MYO1E: variants seen among roughly 807,000 people sequenced by gnomAD.
The protein encoded by MYO1E is unconventional myosin-Ie.
A neutral mutation model predicts 151.1 loss-of-function variants in MYO1E; 68 were observed. The observed-to-expected ratio is 0.45, with a 90% CI of 0.37 to 0.55. MYO1E has a LOEUF of 0.55. MYO1E is among the 20% of genes least tolerant of loss of function. The probability of loss-of-function intolerance (pLI) is 0.00; values close to 1 mark genes in which losing one functional copy is unlikely to be tolerated. For synonymous variants in MYO1E, 601 were observed against 501.7 expected (o/e 1.20, Z -2.64); for missense variants, 1,363 against 1,389.3 (o/e 0.98, Z 0.30).
Position 59,214,282 on chromosome 15 carries a change from A to G in MYO1E, c.1221T>C (p.Phe407=). ...KNGFEQFCIN[F]VNEKLQQIFI... The stretch of plus-strand genomic sequence containing the variant: ...AAATCTGCTGCAGTTTTTCATTAAC[A>G]AAATTGATACAAAACTGTTCAAAGC... Residue 407 remains phenylalanine (F), a synonymous_variant, in exon 12 of 28, where the codon TTT becomes TTC. Transcript: ENST00000288235. The G allele has an allele frequency of 6.2e-7, 1 of 1,613,018 alleles. No homozygotes were observed.
intron 10 of MYO1E, among the ~76,000 whole-genome samples, chr15:59,215,099 C>T (rs1355953717): frequency 6.6e-6 from 1 of 152,128 alleles, no homozygotes; most frequent in East Asian, 1.9e-4. Context: ...ATTGTCATTT[C>T]CAGTGTCTTC....
Position 59,261,451 on chromosome 15 carries a change from C to A in MYO1E, c.206G>T (p.Gly69Val). 6.2e-7 allele frequency: 1 copy of A among 1,611,366 alleles called. No individual in the cohort carries two copies. The highest frequency in any genetic ancestry group is 1.1e-5 in the South Asian group (1 of 91,018). Reference protein sequence around the residue: ...VNPFKQMPYFGEKEIEMYQGA... With the variant: ...VNPFKQMPYFVEKEIEMYQGA... ...TTGGTACATTTCAATTTCCTTTTCC[C>A]CAAAATATGGCATCTGCTTGAAAGG... The change falls in exon 3 of 28, where the codon GGG becomes GTG. Residue 69 changes from glycine (G) to valine (V), a missense_variant. Coordinates refer to ENST00000288235, the MANE Select transcript of MYO1E (RefSeq NM_004998.4).
chr15:59,151,742 G>C (rs1292564034), intron 26 of MYO1E, among the ~76,000 whole-genome samples: 1 of 151,724 alleles, frequency 6.6e-6, no homozygotes, highest in East Asian at 1.9e-4. Context: ...GCGAAACCCT[G>C]TCTCTACTAA....
chr15:59,153,940 T>G lies in MYO1E; in HGVS notation c.2879-149A>C. The G allele has an allele frequency of 9.4e-6, 7 of 745,292 alleles. No homozygotes were observed. In the South Asian group the frequency reaches 1.1e-4, roughly 12 times the overall value. 46.2% of individuals were successfully genotyped at this position (745,292 alleles called of 1,614,324 possible). On this transcript the variant is annotated intron_variant, in intron 25 of 27. Transcript: ENST00000288235. ...ATTTGAAAAAAATGGAAGGCATCAC[T>G]GCTAACACATTGTGAGAATTAGAGC...
In MYO1E at chr15:59,202,400, T is replaced by C. The variant is rs554915757; in HGVS notation, c.1624A>G (p.Ile542Val). Residue 542 changes from isoleucine (I) to valine (V), a missense_variant, in exon 16 of 28, where the codon ATA (isoleucine) becomes GTA (valine). Transcript: ENST00000288235. ...AGATTTTCCGGAAATAAAGACTTTA[T>C]GAAAGGCCTGGAAAAGGAGAAAGAG... ...ELMQSSELPF[I>V]KSLFPENLQA... The C allele has an allele frequency of 2.8e-5, 45 of 1,613,926 alleles. No individual in the cohort carries two copies. In the African/African-American group the frequency reaches 4.9e-4, roughly 18 times the overall value.
At chr15:59,230,783 T>C (rs569961372) in intron 6 of MYO1E, among the ~76,000 whole-genome samples, 6 of 152,206 alleles carry the variant, frequency 3.9e-5, no homozygotes, top group Non-Finnish European at 8.8e-5. Context: ...AAATAGACAG[T>C]GGAAAAGAAA....
At chr15:59,145,839 A>G (rs879766286) in intron 26 of MYO1E, among the ~76,000 whole-genome samples, 12 of 152,194 alleles carry the variant, frequency 7.9e-5, no homozygotes. Context: ...TTGGCCATGA[A>G]GAGAGAATTT....
chr15:59,372,266 T>G (rs2080950854), intron 1 of MYO1E, among the ~76,000 whole-genome samples: 1 of 152,170 alleles, frequency 6.6e-6, no homozygotes, highest in East Asian at 1.9e-4. Flanking sequence ...CACAGAAAGT[T>G]TCGCGACGCA....
chr15:59,303,439 G>T (rs1267391646), intron 1 of MYO1E, among the ~76,000 whole-genome samples: 1 of 152,070 alleles, frequency 6.6e-6, no homozygotes, highest in African/African-American at 2.4e-5. Context: ...TGAGGCAGGA[G>T]AATTGCTTGA....
At chr15:59,334,722 C>G (rs1297907241) in intron 1 of MYO1E, among the ~76,000 whole-genome samples, 1 of 152,206 alleles carries the variant, frequency 6.6e-6, no homozygotes, top group African/African-American at 2.4e-5. Context: ...TTGGCAAGGG[C>G]TTTCTTTCGC....
intron 18 of MYO1E, among the ~76,000 whole-genome samples, chr15:59,182,401 C>T (rs567204331): frequency 1.4e-4 from 22 of 152,102 alleles, no homozygotes; most frequent in Non-Finnish European, 2.6e-4. Context: ...TTAGTAGAGG[C>T]GGGGTTTCAC....
intron 1 of MYO1E, among the ~76,000 whole-genome samples, chr15:59,288,656 T>C (rs1336706425): frequency 6.6e-6 from 1 of 152,240 alleles, no homozygotes; most frequent in Non-Finnish European, 1.5e-5. Context: ...GACTGGGTAC[T>C]GTCATCTCAT....
intron 1 of MYO1E, among the ~76,000 whole-genome samples, chr15:59,272,724 A>G (rs2080295521): frequency 6.6e-6 from 1 of 152,184 alleles, no homozygotes; most frequent in South Asian, 2.1e-4. Context: ...AGACAGACCC[A>G]TTTCACAACG....
chr15:59,276,198 G>C (rs1465723283), intron 1 of MYO1E, among the ~76,000 whole-genome samples: 2 of 152,200 alleles, frequency 1.3e-5, no homozygotes, highest in African/African-American at 4.8e-5. Flanking sequence ...AGGGGCAGCA[G>C]AGATGGTTCC....
chr15:59,203,328 G>A (rs2079813321), intron 15 of MYO1E, among the ~76,000 whole-genome samples: 1 of 151,186 alleles, frequency 6.6e-6, no homozygotes, highest in Non-Finnish European at 1.5e-5. Context: ...TTGAGTATGA[G>A]CAATTTTAAG....
chr15:59,138,149 A>T (rs1259348388), intron 27 of MYO1E, 49 bp downstream of exon 27: 5 of 1,594,314 alleles, frequency 3.1e-6, no homozygotes, highest in Non-Finnish European at 1.7e-6. Context: ...CAGCAATGTG[A>T]CTGCATGCTC....
intron 4 of MYO1E, among the ~76,000 whole-genome samples, chr15:59,249,998 G>A (rs1484135884): frequency 2.0e-5 from 3 of 151,980 alleles, no homozygotes; most frequent in African/African-American, 7.2e-5. Flanking sequence ...ACAGGTGTGA[G>A]GCGTGCTGCC....
chr15:59,239,354 T>C (rs1325327535), intron 4 of MYO1E, among the ~76,000 whole-genome samples: 1 of 151,688 alleles, frequency 6.6e-6, no homozygotes, highest in Non-Finnish European at 1.5e-5. Flanking sequence ...TTCAACTTCC[T>C]ACATATCACC....
intron 4 of MYO1E, among the ~76,000 whole-genome samples, chr15:59,245,131 G>A (rs1219027083): frequency 6.6e-6 from 1 of 152,152 alleles, no homozygotes; most frequent in Non-Finnish European, 1.5e-5. Context: ...AAGAAATTGG[G>A]TGGACCCACA....
Sources: allele counts gnomAD v4.1 joint callset (sites outside exome capture counted in the v4.1 genomes callset), GRCh38; gene constraint gnomAD v4.1.1; transcripts MANE v1.5; gene names NCBI Gene and HGNC (gene_info 2026-07-23, HGNC 2026-07-21).